Variants in NUAK1 observed in about 807,000 individuals in gnomAD.
The protein encoded by NUAK1 is NUAK family SNF1-like kinase 1.
A neutral mutation model predicts 56.9 loss-of-function variants in NUAK1; 26 were observed. The ratio of observed to expected loss-of-function variants is 0.46; its 90% CI spans 0.33 to 0.63. NUAK1 has a LOEUF of 0.63. Ranked by LOEUF, NUAK1 falls within the 30% of genes least tolerant of loss-of-function variation. The probability of loss-of-function intolerance (pLI) is 0.02; values close to 1 mark genes in which losing one functional copy is unlikely to be tolerated. For synonymous variants in NUAK1, 337 were observed against 336.0 expected (o/e 1.00, Z -0.03); for missense variants, 727 against 876.1 (o/e 0.83, Z 2.15).
intron 1 of NUAK1, among the ~76,000 whole-genome samples, chr12:106,129,513 C>A (rs1169652421): frequency 6.6e-6 from 1 of 152,166 alleles, no homozygotes. Flanking sequence ...CATGTGCTCA[C>A]AAGGACACGA....
Position 106,068,064 on chromosome 12 carries a change from T to C in NUAK1, c.833-109A>G, listed in dbSNP as rs936117696. The C allele has an allele frequency of 7.4e-6, 8 of 1,078,912 alleles. No homozygotes were observed. In the Admixed American group the frequency reaches 8.3e-5, roughly 11 times the overall value. The allele number at this position is 1,078,912 out of a possible 1,614,324, so 66.8% of individuals were successfully genotyped here. A position where few individuals can be genotyped will look rare whatever the true frequency, so the allele number is the denominator to read the frequency against. ...AGACACACACTCCCTCTAGGACAAA[T>C]CCATCTGGAGACCTGGTCCAGCCAC... On this transcript the variant is annotated intron_variant, in intron 6 of 6. Transcript: ENST00000261402.
chr12:106,082,031 C>T (rs530374550), intron 4 of NUAK1, among the ~76,000 whole-genome samples: 8 of 152,246 alleles, frequency 5.3e-5, no homozygotes, highest in Non-Finnish European at 1.0e-4. Context: ...TCAATTCCCT[C>T]TCCAGTGGCC....
intron 4 of NUAK1, among the ~76,000 whole-genome samples, chr12:106,079,595 CAG>C (rs1220804326): frequency 5.3e-5 from 8 of 152,320 alleles, no homozygotes; most frequent in Non-Finnish European, 1.0e-4. Flanking sequence ...GTCAAGAAGC[CAG>C]AGAGAGCTTG....
At chr12:106,108,622 G>T (rs74909228) in intron 1 of NUAK1, among the ~76,000 whole-genome samples, 5,266 of 152,286 alleles carry the variant, frequency 0.035, 312 homozygotes, top group African/African-American at 0.12. Flanking sequence ...GCTGTGGAGG[G>T]TGTGGGTGGC....
chr12:106,103,547 T>C (rs10861555), intron 2 of NUAK1, among the ~76,000 whole-genome samples: 81,724 of 151,966 alleles, frequency 0.54, 22,454 homozygotes, highest in African/African-American at 0.67. Context: ...ATTCTTCCCC[T>C]ATCAAAAAAT....
chr12:106,128,048 C>G (rs369238228), intron 1 of NUAK1, among the ~76,000 whole-genome samples: 5 of 152,016 alleles, frequency 3.3e-5, no homozygotes, highest in African/African-American at 1.2e-4. Context: ...GAAACCGAGT[C>G]ACAGTTGATT....
rs141255232 is a variant in NUAK1 at position 106,123,609 on chromosome 12, T to C, written c.240+14805A>G. ...GCTATATCAAATGCCTCTCACCCAA[T>C]TACCAGATGCCCTAATGTTCTCTGG... On this transcript the variant is annotated intron_variant, in intron 1 of 6. Coordinates refer to ENST00000261402, the MANE Select transcript of NUAK1 (RefSeq NM_014840.3). Among the ~76,000 whole-genome samples the C allele has an allele frequency of 4.1e-3, 621 of 152,258 alleles. 2 individuals are homozygous for C. The highest frequency in any genetic ancestry group is 0.014 in the African/African-American group (593 of 41,534).
At position 106,066,976 on chromosome 12, in the gene NUAK1, T is replaced by C. The variant is rs767428923; in HGVS notation, c.1812A>G (p.Ala604=). ...AGTCCTGGATCTGGAGGAAGTTTTCTGCAGAGACGCAGCTGCGGATGCGCT... is the reference window on the plus strand; with the variant it reads ...AGTCCTGGATCTGGAGGAAGTTTTCCGCAGAGACGCAGCTGCGGATGCGCT... ...ARQRIRSCVS[A]ENFLQIQDFE... The change falls in exon 7 of 7, where the codon GCA becomes GCG. Residue 604 remains alanine (A), a synonymous_variant. Transcript: ENST00000261402. The C allele has an allele frequency of 1.2e-6, 2 of 1,614,234 alleles. No homozygotes were observed. Among genetic ancestry groups the C allele is most frequent in the South Asian group, 1.1e-5 (1 of 91,086 alleles).
At position 106,072,649 on chromosome 12, in the gene NUAK1, C is replaced by T. The variant is rs986430301; in HGVS notation, c.699+75G>A. ...AGGCTCTGTTTTTTTAAGCATTTCTCGAATCCAGTTTTTGCCCTTCCTCCC... is the reference window on the plus strand; with the variant it reads ...AGGCTCTGTTTTTTTAAGCATTTCTTGAATCCAGTTTTTGCCCTTCCTCCC... On this transcript the variant is annotated intron_variant, in intron 5 of 6. Coordinates refer to ENST00000261402, the MANE Select transcript of NUAK1 (RefSeq NM_014840.3). 9.0e-5 allele frequency: 133 copies of T among 1,471,900 alleles called. 2 individuals are homozygous for T. The South Asian group carries it at 1.4e-3, about 16-fold the overall frequency. The allele number at this position is 1,471,900 out of a possible 1,614,324, so 91.2% of individuals were successfully genotyped here. A position where few individuals can be genotyped will look rare whatever the true frequency, so the allele number is the denominator to read the frequency against.
In NUAK1 at chr12:106,138,341, C is replaced by A; in HGVS notation, c.240+73G>T. Reference sequence around the variant, plus strand: ...GAGAGCCCCAGGGCGCACAGACCCCCGCCTCGCACGCCCTCAGTCCCCGGC... The same window carrying A: ...GAGAGCCCCAGGGCGCACAGACCCCAGCCTCGCACGCCCTCAGTCCCCGGC... On this transcript the variant is annotated intron_variant, in intron 1 of 6. Coordinates refer to ENST00000261402, the MANE Select transcript of NUAK1 (RefSeq NM_014840.3). The surrounding 1 kb of genome is among the most constrained non-coding windows in gnomAD (Gnocchi z 5.0). 2.0e-6 allele frequency: 3 copies of A among 1,516,416 alleles called. No homozygotes were observed. Among genetic ancestry groups the A allele is most frequent in the South Asian group, 2.6e-5 (2 of 77,364 alleles). 93.9% of individuals were successfully genotyped at this position (1,516,416 alleles called of 1,614,324 possible). A position where few individuals can be genotyped will look rare whatever the true frequency, so the allele number is the denominator to read the frequency against.
intron 2 of NUAK1, among the ~76,000 whole-genome samples, chr12:106,095,400 A>T (rs892843103): frequency 1.3e-5 from 2 of 152,126 alleles, no homozygotes; most frequent in Admixed American, 6.5e-5. Context: ...TGGCACAGGG[A>T]TTCATCTCAC....
chr12:106,131,072 T>C (rs1297592379), intron 1 of NUAK1, among the ~76,000 whole-genome samples: 1 of 152,120 alleles, frequency 6.6e-6, no homozygotes, highest in African/African-American at 2.4e-5. Flanking sequence ...TTTCACAAAA[T>C]GAGCATGAGA....
At position 106,066,739 on chromosome 12, in the gene NUAK1, G is replaced by T; in HGVS notation, c.*63C>A. 2 of 1,321,502 alleles carry T rather than the reference G, an allele frequency of 1.5e-6. No homozygotes were observed. The highest frequency in any genetic ancestry group is 2.1e-6 in the Non-Finnish European group (2 of 948,722). The allele number at this position is 1,321,502 out of a possible 1,614,324, so 81.9% of individuals were successfully genotyped here. A position where few individuals can be genotyped will look rare whatever the true frequency, so the allele number is the denominator to read the frequency against. The stretch of plus-strand genomic sequence containing the variant: ...GCCAGCAAAGAGGTAACCAGCCTGT[G>T]AGCCCAAGTCTTGCTCCCCTTCCTC... On this transcript the variant is annotated 3_prime_UTR_variant, in exon 7 of 7. Transcript: ENST00000261402.
chr12:106,119,907 AGAAAGATTTCCT>A (rs2032956324), intron 1 of NUAK1, among the ~76,000 whole-genome samples: 1 of 152,224 alleles, frequency 6.6e-6, no homozygotes, highest in South Asian at 2.1e-4. Flanking sequence ...CATCCCGATG[AGAAAGATTTCCT>A]GAAGAAATGC....
chr12:106,066,603 A>G lies in NUAK1; in HGVS notation c.*199T>C, dbSNP rs1261220049. 1.6e-6 allele frequency: 1 copy of G among 609,928 alleles called. No homozygotes were observed. Among genetic ancestry groups the G allele is most frequent in the Non-Finnish European group, 2.9e-6 (1 of 344,506 alleles). The allele number at this position is 609,928 out of a possible 1,614,324, so 37.8% of individuals were successfully genotyped here. The stretch of plus-strand genomic sequence containing the variant: ...CCAAACAGGGCCCAAATTCTGACTG[A>G]CAATTGACAGAACTGGCAGAAGAGC... On this transcript the variant is annotated 3_prime_UTR_variant, in exon 7 of 7. Transcript: ENST00000261402.
intron 1 of NUAK1, among the ~76,000 whole-genome samples, chr12:106,134,701 G>A (rs569501157): frequency 6.6e-6 from 1 of 152,296 alleles, no homozygotes; most frequent in Admixed American, 6.5e-5. Context: ...GTAGGTCCAG[G>A]GAGCTTAGCT....
intron 1 of NUAK1, among the ~76,000 whole-genome samples, chr12:106,131,975 A>C (rs2033082819): frequency 1.3e-5 from 2 of 152,216 alleles, no homozygotes; most frequent in Admixed American, 1.3e-4. Context: ...TGATAAATGC[A>C]TTCTGCTTTA....
Position 106,072,802 on chromosome 12 carries a change from C to A in NUAK1, c.621G>T (p.Lys207Asn). The change falls in exon 5 of 7, where the codon AAG becomes AAT. Residue 207 changes from lysine to asparagine, a missense_variant. Coordinates refer to ENST00000261402, the MANE Select transcript of NUAK1 (RefSeq NM_014840.3). ...GACTCCCACAAAACGTTTGTAAGAA[C>A]TTATCCTTCTGGTACAGGTTGGAAA... ...FGLSNLYQKD[K>N]FLQTFCGSPL... 6.2e-7 allele frequency: 1 copy of A among 1,614,068 alleles called. No homozygotes were observed. The highest frequency in any genetic ancestry group is 1.1e-5 in the South Asian group (1 of 91,078).
At position 106,083,852 on chromosome 12, in the gene NUAK1, C is replaced by G. The variant is rs1175911543; in HGVS notation, c.579+12G>C. 2.5e-6 allele frequency: 4 copies of G among 1,613,512 alleles called. No homozygotes were observed. The highest frequency in any genetic ancestry group is 3.4e-6 in the Non-Finnish European group (4 of 1,179,456). On this transcript the variant is annotated intron_variant, in intron 4 of 6. Transcript: ENST00000261402. ...AGGCCCTGCATATCAATCGACGACG[C>G]AAGGGCTTTACCTTAATATTGCAGT...
Sources: gnomAD v4.1 joint callset for allele counts (sites outside exome capture counted in the v4.1 genomes callset) on GRCh38, gnomAD v4.1.1 for gene constraint, Gnocchi (gnomAD v3.1) non-coding constraint, MANE v1.5 for transcripts, NCBI Gene and HGNC (gene_info 2026-07-23, HGNC 2026-07-21) for gene names.